BSN: variants seen among roughly 807,000 people sequenced by gnomAD.
BSN encodes bassoon presynaptic cytomatrix protein.
Under a neutral mutation model 264.8 loss-of-function variants are expected in BSN, and 57 were observed. The ratio of observed to expected loss-of-function variants is 0.22; its 90% CI spans 0.17 to 0.27. The LOEUF (loss-of-function observed/expected upper bound fraction) is 0.27, where lower values mean the gene tolerates loss of function less well. Among genes scored for constraint, BSN ranks in the 10% least tolerant of loss-of-function variants. The pLI, the probability that BSN is intolerant of heterozygous loss-of-function variation, is 1.00. For synonymous variants in BSN, 2,059 were observed against 2,137.3 expected, an observed-to-expected ratio of 0.96 and a Z score of 1.01; for missense variants, 4,615 against 5,232.5, an observed-to-expected ratio of 0.88 and a Z score of 3.64.
At chr3:49,619,515 G>T (rs1249012777) in intron 1 of BSN, among the ~76,000 whole-genome samples, 1 of 152,174 alleles carries the variant, frequency 6.6e-6, no homozygotes, top group South Asian at 2.1e-4. Flanking sequence ...AAGTCATGAT[G>T]GCTTTGTATG....
At chr3:49,570,792 A>G (rs1254959976) in intron 1 of BSN, among the ~76,000 whole-genome samples, 2 of 152,204 alleles carry the variant, frequency 1.3e-5, no homozygotes, top group Admixed American at 1.3e-4. Flanking sequence ...CTCCCCTTCC[A>G]GGCTCACTCC....
rs1178035992 is a variant in BSN, at chr3:49,655,445, T to C, written c.5889T>C (p.Pro1963=). 6.4e-7 allele frequency: 1 copy of C among 1,573,344 alleles called. No homozygotes were observed. Among genetic ancestry groups the C allele is most frequent in the Non-Finnish European group, 8.6e-7 (1 of 1,158,900 alleles). ...PTYRAQGVVG[P]GPHEEQRPYP... is the part of the protein sequence containing the mutation. The stretch of plus-strand genomic sequence containing the variant: ...ACCGGGCACAGGGGGTGGTGGGGCC[T>C]GGGCCCCATGAGGAGCAGAGGCCCT... The change falls in exon 5 of 12, where the codon CCT becomes CCC. Residue 1963 remains proline, a synonymous_variant. Coordinates refer to ENST00000296452, the MANE Select transcript of BSN (RefSeq NM_003458.4).
intron 3 of BSN, 33 bp downstream of exon 3, chr3:49,643,185 CTTGA>C (rs1287193656): frequency 6.4e-7 from 1 of 1,574,442 alleles, no homozygotes. Context: ...TCCCTTGAAC[CTTGA>C]TGAGAGGCCG....
At chr3:49,666,074 G>A (rs1483880683) in intron 11 of BSN, among the ~76,000 whole-genome samples, 1 of 152,262 alleles carries the variant, frequency 6.6e-6, no homozygotes, top group East Asian at 1.9e-4. Context: ...ACAGCTCTGT[G>A]CACAGCCAGG....
At chr3:49,637,350 G>A (rs1018911609) in intron 2 of BSN, among the ~76,000 whole-genome samples, 4 of 152,188 alleles carry the variant, frequency 2.6e-5, no homozygotes, top group Non-Finnish European at 5.9e-5. Context: ...CACCCTGTGA[G>A]CATCCTTTGG....
At chr3:49,582,952 CATTTATTTATTT>C (rs36078084) in intron 1 of BSN, among the ~76,000 whole-genome samples, 19 of 143,868 alleles carry the variant, frequency 1.3e-4, no homozygotes, top group African/African-American at 4.6e-4. Context: ...TGGTGTATTA[CATTTATTTATTT>C]ATTTATTTAT....
At chr3:49,555,533 T>A (rs1447601034) in intron 1 of BSN, among the ~76,000 whole-genome samples, 1 of 152,146 alleles carries the variant, frequency 6.6e-6, no homozygotes, top group Non-Finnish European at 1.5e-5. Flanking sequence ...ATCAAACCAG[T>A]GGAAAAGCTG....
chr3:49,656,580 C>T lies in BSN; in HGVS notation c.7024C>T (p.Pro2342Ser), dbSNP rs1379175314. ...CCAGAAGCCACCAGCAGATGCTGCT[C>T]CTGGGGGTGGCAGTGGGGCCCTCAG... Reference protein sequence around the residue: ...AGQKPPADAAPGGGSGALSRP... With the variant: ...AGQKPPADAASGGGSGALSRP... Residue 2342 changes from proline to serine, a missense_variant, in exon 5 of 12, where the codon CCT becomes TCT. Physicochemically the swap from Pro to Ser is moderately conservative, Grantham distance 74. Transcript: ENST00000296452. The T allele has an allele frequency of 6.3e-7, 1 of 1,591,390 alleles. No homozygotes were observed. Among genetic ancestry groups the T allele is most frequent in the Admixed American group, 1.8e-5 (1 of 57,116 alleles).
At chr3:49,556,046 T>C (rs1488608443) in intron 1 of BSN, among the ~76,000 whole-genome samples, 2 of 152,216 alleles carry the variant, frequency 1.3e-5, no homozygotes, top group Admixed American at 1.3e-4. Flanking sequence ...TTGTCCATTT[T>C]ATACTAGCTA....
intron 1 of BSN, among the ~76,000 whole-genome samples, chr3:49,588,481 A>C (rs189513419): frequency 2.6e-5 from 4 of 152,186 alleles, no homozygotes; most frequent in Non-Finnish European, 4.4e-5. Flanking sequence ...GTTTTTTTTA[A>C]AATCATGAAG....
rs1414363709 is a variant in BSN at position 49,554,791 on chromosome 3, C to T, written c.189C>T (p.Pro63=). 7 of 1,222,872 alleles carry T rather than the reference C, an allele frequency of 5.7e-6. No homozygotes were observed. The highest frequency in any genetic ancestry group is 1.6e-5 in the African/African-American group (1 of 63,804). 75.8% of individuals were successfully genotyped at this position (1,222,872 alleles called of 1,614,324 possible). A position where few individuals can be genotyped will look rare whatever the true frequency, so the allele number is the denominator to read the frequency against. The change falls in exon 1 of 12, where the codon CCC becomes CCT. Residue 63 remains proline, a synonymous_variant. Coordinates refer to ENST00000296452, the MANE Select transcript of BSN (RefSeq NM_003458.4). ...RSTAVPPVPG[P]GPGPGPGPGP... is the part of the protein sequence containing the mutation. Reference sequence around the variant, plus strand: ...CCGCGGTACCACCGGTCCCTGGCCCCGGCCCCGGCCCCGGTCCCGGCCCTG... The same window carrying T: ...CCGCGGTACCACCGGTCCCTGGCCCTGGCCCCGGCCCCGGTCCCGGCCCTG...
In BSN at chr3:49,638,934, G is replaced by A. The variant is rs1234537414; in HGVS notation, c.634-3334G>A. Among the ~76,000 whole-genome samples the A allele has an allele frequency of 6.6e-6, 1 of 152,160 alleles. No individual in the cohort carries two copies. The highest frequency in any genetic ancestry group is 2.4e-5 in the African/African-American group (1 of 41,450). ...CGTTGGGTGTGGGCTGGGCACCCAC[G>A]GGAAGAACTGAATTTGTGGCTGCCA... On this transcript the variant is annotated intron_variant, in intron 2 of 11. Transcript: ENST00000296452. The surrounding 1 kb of genome is among the most constrained non-coding windows in gnomAD (Gnocchi z 4.3).
At chr3:49,580,446 A>C (rs935917818) in intron 1 of BSN, among the ~76,000 whole-genome samples, 3 of 152,014 alleles carry the variant, frequency 2.0e-5, no homozygotes, top group African/African-American at 4.8e-5. Flanking sequence ...TTACATTATA[A>C]ATTTTTTTAG....
chr3:49,613,666 C>T (rs1393086140), intron 1 of BSN, among the ~76,000 whole-genome samples: 4 of 143,110 alleles, frequency 2.8e-5, no homozygotes, highest in East Asian at 2.0e-4. Context: ...GGCTAATTTT[C>T]TTTTTTTTTT....
In BSN at chr3:49,651,519, T is replaced by A. The variant is rs1270583714; in HGVS notation, c.1987-24T>A. On this transcript the variant is annotated intron_variant, in intron 4 of 11. Transcript: ENST00000296452. This position sits in a 1 kb window ranked among gnomAD's most constrained non-coding sequence, Gnocchi z 5.4. The stretch of plus-strand genomic sequence containing the variant: ...CACGAGCTTTGCCATGGGGAGTCAG[T>A]GTCTGCTTTTCACCCTGCTGCAGGA... 2.0e-6 allele frequency: 3 copies of A among 1,535,862 alleles called. No individual in the cohort carries two copies. Among genetic ancestry groups the A allele is most frequent in the Non-Finnish European group, 2.6e-6 (3 of 1,140,368 alleles).
intron 1 of BSN, among the ~76,000 whole-genome samples, chr3:49,563,320 A>C (rs2051729391): frequency 6.6e-6 from 1 of 152,158 alleles, no homozygotes; most frequent in Admixed American, 6.5e-5. Context: ...GCTCCTACCC[A>C]GACCTGCAGA....
intron 2 of BSN, among the ~76,000 whole-genome samples, chr3:49,636,820 C>A (rs1459062832): frequency 2.0e-5 from 3 of 152,238 alleles, no homozygotes; most frequent in Non-Finnish European, 4.4e-5. Context: ...ATGGGGCAGG[C>A]AACATGTCTA....
intron 1 of BSN, among the ~76,000 whole-genome samples, chr3:49,607,124 A>G (rs1156758241): frequency 6.6e-6 from 1 of 152,112 alleles, no homozygotes; most frequent in East Asian, 1.9e-4. Context: ...TTTGTCAGAC[A>G]CAGGCCATAC....
intron 1 of BSN, among the ~76,000 whole-genome samples, chr3:49,620,380 G>A (rs1484706299): frequency 1.3e-5 from 2 of 151,100 alleles, no homozygotes; most frequent in Admixed American, 1.3e-4. Flanking sequence ...AGCTGAGATC[G>A]CAGCACTGTA....
Sources: gnomAD v4.1 joint callset for allele counts (sites outside exome capture counted in the v4.1 genomes callset) on GRCh38, gnomAD v4.1.1 for gene constraint, Gnocchi (gnomAD v3.1) non-coding constraint, MANE v1.5 for transcripts, NCBI Gene and HGNC (gene_info 2026-07-23, HGNC 2026-07-21) for gene names.